IQANK1: variants seen among roughly 807,000 people sequenced by gnomAD.
IQANK1 encodes IQ motif and ankyrin repeat domain-containing protein 1.
A neutral mutation model predicts 22.6 loss-of-function variants in IQANK1; 30 were observed. The ratio of observed to expected loss-of-function variants is 1.33; its 90% CI spans 0.99 to 1.80. The LOEUF (loss-of-function observed/expected upper bound fraction) is 1.80, where lower values mean the gene tolerates loss of function less well. Ranked by LOEUF, IQANK1 falls within the 40% of genes most tolerant of loss-of-function variation. IQANK1 has a pLI of 0.00. For synonymous variants in IQANK1, 122 were observed against 99.6 expected (o/e 1.23, Z -1.34); for missense variants, 275 against 235.2 (o/e 1.17, Z -1.11).
chr8:143,737,613 C>A (rs554493086), intron 2 of IQANK1, among the ~76,000 whole-genome samples: 1 of 152,164 alleles, frequency 6.6e-6, no homozygotes, highest in Non-Finnish European at 1.5e-5. Flanking sequence ...CACAACAGTC[C>A]GGGACCCCTC....
chr8:143,748,382 A>G (rs1554627471), intron 3 of IQANK1, among the ~76,000 whole-genome samples: 1 of 149,662 alleles, frequency 6.7e-6, no homozygotes, highest in Non-Finnish European at 1.5e-5. Flanking sequence ...CTATTATTGT[A>G]AAACTATTTC....
chr8:143,743,765 C>A, intron 3 of IQANK1: 1 of 353,636 alleles, frequency 2.8e-6, no homozygotes, highest in Admixed American at 3.8e-5. Context: ...ATTATGCTGC[C>A]ATCTACAGAT....
rs914196728 is a variant in IQANK1 at position 143,771,162 on chromosome 8, G to T, written c.176-326G>T. On this transcript the variant is annotated intron_variant, in intron 3 of 13. Coordinates refer to ENST00000527139, the MANE Select transcript of IQANK1 (RefSeq NM_001381874.1). The surrounding 1 kb of genome is among the most constrained non-coding windows in gnomAD (Gnocchi z 6.0). Reference sequence around the variant, plus strand: ...AGGGGCCTTCGGCTTTCAGGGAAGGGTGTCCCGCGGGGGACAGCACCCCTT... The same window carrying T: ...AGGGGCCTTCGGCTTTCAGGGAAGGTTGTCCCGCGGGGGACAGCACCCCTT... 2.0e-5 allele frequency among the ~76,000 whole-genome samples: 3 copies of T among 152,228 alleles called. No individual in the cohort carries two copies. The highest frequency in any genetic ancestry group is 4.4e-5 in the Non-Finnish European group (3 of 68,030).
rs541238868 is a variant in IQANK1 at position 143,738,692 on chromosome 8, CCCCCCG to C, written c.86-1156_86-1151del. On this transcript the variant is annotated intron_variant, in intron 2 of 13. Coordinates refer to ENST00000527139, the MANE Select transcript of IQANK1 (RefSeq NM_001381874.1). ...GGTCCTGCCCTGGGCGGCACCAATGCCCCCCGCCCCCGCCCCATCCCGGCTCCCCCG... is the reference window on the plus strand; with the variant it reads ...GGTCCTGCCCTGGGCGGCACCAATGCCCCCCGCCCCATCCCGGCTCCCCCG... Among the ~76,000 whole-genome samples, 87 of 152,270 alleles carry C rather than the reference CCCCCCG, an allele frequency of 5.7e-4. 1 individual carries two copies. In the South Asian group the frequency reaches 0.017, roughly 29 times the overall value.
chr8:143,737,807 C>T (rs1416086333), intron 2 of IQANK1, among the ~76,000 whole-genome samples: 5 of 152,190 alleles, frequency 3.3e-5, no homozygotes, highest in Admixed American at 1.3e-4. Flanking sequence ...CTGCTCCTCC[C>T]GCCACAGCTG....
At chr8:143,777,709 A>G (rs1554630582) in intron 7 of IQANK1, among the ~76,000 whole-genome samples, 3 of 152,118 alleles carry the variant, frequency 2.0e-5, no homozygotes, top group Admixed American at 6.5e-5. Context: ...TACAATATCA[A>G]AAGAGTTGGA....
Position 143,771,835 on chromosome 8 carries a change from C to T in IQANK1, c.341C>T (p.Ala114Val), listed in dbSNP as rs1587487190. 1 of 395,640 alleles carries T rather than the reference C, an allele frequency of 2.5e-6. No individual in the cohort carries two copies. Among genetic ancestry groups the T allele is most frequent in the Non-Finnish European group, 4.5e-6 (1 of 224,158 alleles). The allele number at this position is 395,640 out of a possible 1,614,324, so 24.5% of individuals were successfully genotyped here. Residue 114 changes from alanine (A) to valine (V), a missense_variant, in exon 5 of 14, where the codon GCC (alanine) becomes GTC (valine). Physicochemically the swap from Ala to Val is moderately conservative, Grantham distance 64 (BLOSUM62 0). Coordinates refer to ENST00000527139, the MANE Select transcript of IQANK1 (RefSeq NM_001381874.1). This position sits in a 1 kb window ranked among gnomAD's most constrained non-coding sequence, Gnocchi z 6.0. Reference sequence around the variant, plus strand: ...GCTCCGGTGCGCCGGGAGCAGGAGGCCGCGCGGCGGCTGCGCGAGCAGGAG... The same window carrying T: ...GCTCCGGTGCGCCGGGAGCAGGAGGTCGCGCGGCGGCTGCGCGAGCAGGAG... ...YLAPVRREQE[A>V]ARRLREQEEA...
chr8:143,755,560 C>T (rs1399129381), intron 3 of IQANK1, among the ~76,000 whole-genome samples: 1 of 152,116 alleles, frequency 6.6e-6, no homozygotes, highest in Non-Finnish European at 1.5e-5. Context: ...GATGGGGTTT[C>T]ATCATGTTGG....
chr8:143,760,735 T>C (rs1554628827), intron 3 of IQANK1, among the ~76,000 whole-genome samples: 1 of 152,116 alleles, frequency 6.6e-6, no homozygotes, highest in Admixed American at 6.5e-5. Flanking sequence ...CAAACAGCTA[T>C]TATAAGTTTA....
chr8:143,738,583 G>A (rs1044860522), intron 2 of IQANK1, among the ~76,000 whole-genome samples: 5 of 152,228 alleles, frequency 3.3e-5, no homozygotes, highest in Non-Finnish European at 7.4e-5. Flanking sequence ...GGGCCCTGCC[G>A]GCGAGACTGG....
intron 3 of IQANK1, among the ~76,000 whole-genome samples, chr8:143,747,494 G>A (rs142015293): frequency 2.0e-5 from 3 of 152,174 alleles, no homozygotes; most frequent in South Asian, 4.1e-4. Context: ...TAGTTTCAGC[G>A]TTTATGGCTG....
At chr8:143,787,675 C>T (rs1225867011) in intron 7 of IQANK1, among the ~76,000 whole-genome samples, 2 of 152,204 alleles carry the variant, frequency 1.3e-5, no homozygotes, top group East Asian at 3.9e-4. Flanking sequence ...GCTCTTTCCC[C>T]TCATCCTGTC....
chr8:143,734,330 C>G (rs1280682721), intron 1 of IQANK1, 111 bp downstream of exon 1: 1 of 152,156 alleles, frequency 6.6e-6, no homozygotes, highest in Non-Finnish European at 1.5e-5. Flanking sequence ...CAGCGCCCCA[C>G]ACGTAGACGA....
chr8:143,779,367 G>A lies in IQANK1; in HGVS notation c.789+6885G>A, dbSNP rs144100519. The stretch of plus-strand genomic sequence containing the variant: ...GTATGCCCCAGTATTGGTTGACCAC[G>A]ATAGGCACTGAAACATTTTGTTGAA... On this transcript the variant is annotated intron_variant, in intron 7 of 13. Coordinates refer to ENST00000527139, the MANE Select transcript of IQANK1 (RefSeq NM_001381874.1). 1.0e-3 allele frequency among the ~76,000 whole-genome samples: 152 copies of A among 152,266 alleles called. 2 individuals carry two copies. The highest frequency in any genetic ancestry group is 3.4e-3 in the African/African-American group (142 of 41,548).
Position 143,774,663 on chromosome 8 carries a change from T to G in IQANK1, c.789+2181T>G, listed in dbSNP as rs1178228879. 1.3e-5 allele frequency among the ~76,000 whole-genome samples: 2 copies of G among 151,954 alleles called. No homozygotes were observed. The highest frequency in any genetic ancestry group is 6.6e-5 in the Admixed American group (1 of 15,262). On this transcript the variant is annotated intron_variant, in intron 7 of 13. Coordinates refer to ENST00000527139, the MANE Select transcript of IQANK1 (RefSeq NM_001381874.1). This position sits in a 1 kb window ranked among gnomAD's most constrained non-coding sequence, Gnocchi z 4.2. ...TCAGACTCCTAGACATTTGCTCCAG[T>G]AAAAGGAAAACTAGGTCCACACAAA... is the stretch of plus-strand genomic sequence containing the variant.
chr8:143,770,786 C>G (rs1162998527), intron 3 of IQANK1, among the ~76,000 whole-genome samples: 1 of 152,272 alleles, frequency 6.6e-6, no homozygotes, highest in Non-Finnish European at 1.5e-5. Flanking sequence ...CCACAAGCGC[C>G]CCATTGCTGG....
At chr8:143,744,117 C>G (rs1042507644) in intron 3 of IQANK1, 5 of 209,000 alleles carry the variant, frequency 2.4e-5, no homozygotes, top group African/African-American at 1.2e-4. Flanking sequence ...CAGGCGTGAG[C>G]CACCAGGCCT....
chr8:143,739,979 G>C, intron 3 of IQANK1, 31 bp downstream of exon 3: 1 of 676,800 alleles, frequency 1.5e-6, no homozygotes, highest in Non-Finnish European at 2.7e-6. Flanking sequence ...CGCCGCTGTG[G>C]GTGACCGGGT....
rs781988219 is a variant in IQANK1, at chr8:143,735,664, A to C, written c.-4-186A>C. On this transcript the variant is annotated intron_variant, in intron 1 of 13. Coordinates refer to ENST00000527139, the MANE Select transcript of IQANK1 (RefSeq NM_001381874.1). The surrounding 1 kb of genome is among the most constrained non-coding windows in gnomAD (Gnocchi z 5.2). ...TGCTCTTGCCAGGCATCCCGGCTCA[A>C]GCTTCTGGGCACACACCCGGGGCGG... 3.3e-5 allele frequency among the ~76,000 whole-genome samples: 5 copies of C among 152,048 alleles called. No individual in the cohort carries two copies. Among genetic ancestry groups the C allele is most frequent in the Non-Finnish European group, 7.4e-5 (5 of 67,978 alleles).
Sources: allele counts gnomAD v4.1 joint callset (sites outside exome capture counted in the v4.1 genomes callset), GRCh38; gene constraint gnomAD v4.1.1; non-coding constraint Gnocchi (gnomAD v3.1); transcripts MANE v1.5; gene names NCBI Gene and HGNC (gene_info 2026-07-23, HGNC 2026-07-21).